PRR23C: variants seen among roughly 807,000 people sequenced by gnomAD.
PRR23C encodes proline rich 23C, also known as proline-rich protein 23C.
PRR23C carries 1 observed loss-of-function variant against 0.1 expected under a neutral mutation model. The observed-to-expected ratio is 6.80, with a 90% CI of 2.41 to 32.24. The LOEUF (loss-of-function observed/expected upper bound fraction) is 32.24. Among genes scored for constraint, PRR23C ranks in the 30% most tolerant of loss-of-function variants. The pLI, the probability that PRR23C is intolerant of heterozygous loss-of-function variation, is 0.11. For synonymous variants in PRR23C, 172 were observed against 168.1 expected (o/e 1.02, Z -0.18); for missense variants, 361 against 370.4 (o/e 0.97, Z 0.21).
chr3:139,044,077 C>A lies in PRR23C; in HGVS notation c.544G>T (p.Ala182Ser), dbSNP rs761650417. ...AGSAAGLYPS[A>S]RSMFSPYREG... ...CGGTAGGGGCTGAACATACTTCTAG[C>A]GGAGGGGTAGAGCCCAGCGGCTGAG... Residue 182 changes from alanine to serine, a missense_variant, in exon 1 of 1, where the codon GCT becomes TCT. By Grantham distance (99) the Ala-to-Ser change is moderately conservative (BLOSUM62 1). Coordinates refer to ENST00000413199, the MANE Select transcript of PRR23C (RefSeq NM_001134657.1). This position sits in a 1 kb window ranked among gnomAD's most constrained non-coding sequence, Gnocchi z 7.5. The A allele has an allele frequency of 2.7e-5, 44 of 1,613,240 alleles. No homozygotes were observed. Among genetic ancestry groups the A allele is most frequent in the African/African-American group, 4.0e-5 (3 of 74,898 alleles).
the PRR23C span, chr3:139,043,888 G>GGCGC: frequency 6.3e-7 from 1 of 1,575,428 alleles, no homozygotes; most frequent in Admixed American, 1.9e-5. Context: ...GGGAGCTCCG[G>GGCGC]GCGCGCGTGG....
In PRR23C at chr3:139,044,545, C is replaced by T; in HGVS notation, c.76G>A (p.Ala26Thr). Residue 26 changes from alanine (A) to threonine (T), a missense_variant, in exon 1 of 1, where the codon GCC becomes ACC. Physicochemically the swap from Ala to Thr is moderately conservative, Grantham distance 58 (BLOSUM62 0). Coordinates refer to ENST00000413199, the MANE Select transcript of PRR23C (RefSeq NM_001134657.1). The surrounding 1 kb of genome is among the most constrained non-coding windows in gnomAD (Gnocchi z 7.5). ...GGCTCCTCCAATCGGCTGCGCTTGG[C>T]AGGGCCTGGTCCTCCTGGCTGCTGT... Reference protein sequence around the residue: ...WGQQPGGPGPAKRSRLEEPAG... With the variant: ...WGQQPGGPGPTKRSRLEEPAG... 6.5e-7 allele frequency: 1 copy of T among 1,543,592 alleles called. No homozygotes were observed. The highest frequency in any genetic ancestry group is 8.7e-7 in the Non-Finnish European group (1 of 1,146,074).
At position 139,044,810 on chromosome 3, in the gene PRR23C, C is replaced by T; in HGVS notation, c.-190G>A. 1.6e-6 allele frequency: 1 copy of T among 631,304 alleles called. No individual in the cohort carries two copies. The highest frequency in any genetic ancestry group is 2.6e-6 in the Non-Finnish European group (1 of 384,130). 39.1% of individuals were successfully genotyped at this position (631,304 alleles called of 1,614,324 possible). A position where few individuals can be genotyped will look rare whatever the true frequency, so the allele number is the denominator to read the frequency against. On this transcript the variant is annotated 5_prime_UTR_variant, in exon 1 of 1. The change creates a new upstream start codon in the 5' untranslated region. Coordinates refer to ENST00000413199, the MANE Select transcript of PRR23C (RefSeq NM_001134657.1). This position sits in a 1 kb window ranked among gnomAD's most constrained non-coding sequence, Gnocchi z 7.5. ...GTGCTGCTGCTGGGGGAACCTCGCA[C>T]GCTGTGTGGCTCAGCCTCGCGCGAT...
rs1440196631 is a variant in PRR23C, at chr3:139,044,498, C to T, written c.123G>A (p.Ala41=). The change falls in exon 1 of 1, where the codon GCG becomes GCA. Residue 41 remains alanine (A), a synonymous_variant. Transcript: ENST00000413199. The surrounding 1 kb of genome is among the most constrained non-coding windows in gnomAD (Gnocchi z 7.5). The stretch of plus-strand genomic sequence containing the variant: ...CCGCCGGGTCTTCCGGGCTGGGCGC[C>T]GCTCGGGATTCGGGGCCCGCGGGCT... ...LEEPAGPESR[A]APSPEDPAGT... 1.9e-6 allele frequency: 3 copies of T among 1,542,748 alleles called. No individual in the cohort carries two copies. Among genetic ancestry groups the T allele is most frequent in the South Asian group, 2.4e-5 (2 of 83,276 alleles).
In PRR23C at chr3:139,042,260, T is replaced by A. The variant is rs1209575244; in HGVS notation, c.*1572A>T. The A allele has an allele frequency of 1.3e-5, 2 of 152,218 alleles. No individual in the cohort carries two copies. Among genetic ancestry groups the A allele is most frequent in the Non-Finnish European group, 1.5e-5 (1 of 68,050 alleles). The allele number at this position is 152,218 out of a possible 1,614,324, so 9.4% of individuals were successfully genotyped here. On this transcript the variant is annotated 3_prime_UTR_variant, in exon 1 of 1. Coordinates refer to ENST00000413199, the MANE Select transcript of PRR23C (RefSeq NM_001134657.1). Reference sequence around the variant, plus strand: ...GCCCAAAGCCTGGTCTCATTAGCGCTCTTGCCAGGTTTCTGTACGTACTCT... The same window carrying A: ...GCCCAAAGCCTGGTCTCATTAGCGCACTTGCCAGGTTTCTGTACGTACTCT...
chr3:139,044,540 C>T lies in PRR23C; in HGVS notation c.81G>A (p.Lys27=). Reference sequence around the variant, plus strand: ...CCGCGGGCTCCTCCAATCGGCTGCGCTTGGCAGGGCCTGGTCCTCCTGGCT... The same window carrying T: ...CCGCGGGCTCCTCCAATCGGCTGCGTTTGGCAGGGCCTGGTCCTCCTGGCT... The part of the protein sequence containing the change: ...GQQPGGPGPA[K]RSRLEEPAGP... Residue 27 remains lysine (K), a synonymous_variant, in exon 1 of 1, where the codon AAG becomes AAA. Transcript: ENST00000413199. The surrounding 1 kb of genome is among the most constrained non-coding windows in gnomAD (Gnocchi z 7.5). 6.5e-7 allele frequency: 1 copy of T among 1,544,142 alleles called. No individual in the cohort carries two copies. Among genetic ancestry groups the T allele is most frequent in the South Asian group, 1.2e-5 (1 of 83,838 alleles).
At position 139,042,521 on chromosome 3, in the gene PRR23C, C is replaced by T. The variant is rs1937152431; in HGVS notation, c.*1311G>A. On this transcript the variant is annotated 3_prime_UTR_variant, in exon 1 of 1. Transcript: ENST00000413199. ...TTATGGTAAAATTTAGAAGCATTAA[C>T]ACAAGGCATAAAACAGGAATGCCCA... The T allele has an allele frequency of 6.6e-6, 1 of 152,170 alleles. No individual in the cohort carries two copies. Among genetic ancestry groups the T allele is most frequent in the Non-Finnish European group, 1.5e-5 (1 of 68,024 alleles). The allele number at this position is 152,170 out of a possible 1,614,324, so 9.4% of individuals were successfully genotyped here.
chr3:139,044,819 G>T lies in PRR23C; in HGVS notation c.-199C>A, dbSNP rs1393605557. Reference sequence around the variant, plus strand: ...CTGGGGGAACCTCGCACGCTGTGTGGCTCAGCCTCGCGCGATGGAAACTTG... The same window carrying T: ...CTGGGGGAACCTCGCACGCTGTGTGTCTCAGCCTCGCGCGATGGAAACTTG... On this transcript the variant is annotated 5_prime_UTR_variant, in exon 1 of 1. Coordinates refer to ENST00000413199, the MANE Select transcript of PRR23C (RefSeq NM_001134657.1). This position sits in a 1 kb window ranked among gnomAD's most constrained non-coding sequence, Gnocchi z 7.5. 2 of 597,690 alleles carry T rather than the reference G, an allele frequency of 3.3e-6. No homozygotes were observed. Among genetic ancestry groups the T allele is most frequent in the African/African-American group, 2.0e-5 (1 of 50,054 alleles). The allele number at this position is 597,690 out of a possible 1,614,324, so 37.0% of individuals were successfully genotyped here. A position where few individuals can be genotyped will look rare whatever the true frequency, so the allele number is the denominator to read the frequency against.
chr3:139,044,739 G>A lies in PRR23C; in HGVS notation c.-119C>T. On this transcript the variant is annotated 5_prime_UTR_variant, in exon 1 of 1. Coordinates refer to ENST00000413199, the MANE Select transcript of PRR23C (RefSeq NM_001134657.1). The surrounding 1 kb of genome is among the most constrained non-coding windows in gnomAD (Gnocchi z 7.5). ...GTGTCGGCAGGACCGCGCGACGCGG[G>A]GCGAGTCCTCGGAGCTCTGGGGGCG... 2 of 1,195,536 alleles carry A rather than the reference G, an allele frequency of 1.7e-6. No individual in the cohort carries two copies. The highest frequency in any genetic ancestry group is 1.1e-6 in the Non-Finnish European group (1 of 894,642). The allele number at this position is 1,195,536 out of a possible 1,614,324, so 74.1% of individuals were successfully genotyped here. A position where few individuals can be genotyped will look rare whatever the true frequency, so the allele number is the denominator to read the frequency against.
rs1159233741 is a variant in PRR23C at position 139,043,880 on chromosome 3, G to T, written c.741C>A (p.Leu247=). ...PSPGPHARPE[L]PERPPCKVRR... is the part of the protein sequence containing the mutation. Reference sequence around the variant, plus strand: ...GGACCTTGCACGGAGGGCGCTCTGGGAGCTCCGGGCGCGCGTGGGGACCTG... The same window carrying T: ...GGACCTTGCACGGAGGGCGCTCTGGTAGCTCCGGGCGCGCGTGGGGACCTG... The change falls in exon 1 of 1, where the codon CTC becomes CTA. Residue 247 remains leucine (L), a synonymous_variant. Coordinates refer to ENST00000413199, the MANE Select transcript of PRR23C (RefSeq NM_001134657.1). 6.4e-7 allele frequency: 1 copy of T among 1,570,256 alleles called. No homozygotes were observed. The highest frequency in any genetic ancestry group is 1.2e-5 in the South Asian group (1 of 85,390).
Position 139,044,219 on chromosome 3 carries a change from G to A in PRR23C, c.402C>T (p.Asp134=), listed in dbSNP as rs572174917. Residue 134 remains aspartate, a synonymous_variant, in exon 1 of 1, where the codon GAC becomes GAT. Transcript: ENST00000413199. The surrounding 1 kb of genome is among the most constrained non-coding windows in gnomAD (Gnocchi z 7.5). ...CGCAGACTTCCTGCTCGACGACGACGTCTTCCCCGTGAGCGCCCAGGAAAA... is the reference window on the plus strand; with the variant it reads ...CGCAGACTTCCTGCTCGACGACGACATCTTCCCCGTGAGCGCCCAGGAAAA... The part of the protein sequence containing the change: ...VDVFLGAHGE[D]VVVEQEVCAS... The A allele has an allele frequency of 1.2e-6, 2 of 1,612,142 alleles. No homozygotes were observed. The highest frequency in any genetic ancestry group is 2.2e-5 in the South Asian group (2 of 90,658).
Position 139,044,220 on chromosome 3 carries a change from T to A in PRR23C, c.401A>T (p.Asp134Val). The A allele has an allele frequency of 6.2e-7, 1 of 1,612,176 alleles. No homozygotes were observed. Among genetic ancestry groups the A allele is most frequent in the Non-Finnish European group, 8.5e-7 (1 of 1,179,156 alleles). ...GCAGACTTCCTGCTCGACGACGACG[T>A]CTTCCCCGTGAGCGCCCAGGAAAAC... ...VDVFLGAHGE[D>V]VVVEQEVCAS... Residue 134 changes from aspartate (D) to valine (V), a missense_variant, in exon 1 of 1, where the codon GAC (aspartate) becomes GTC (valine). Transcript: ENST00000413199. The surrounding 1 kb of genome is among the most constrained non-coding windows in gnomAD (Gnocchi z 7.5).
In PRR23C at chr3:139,044,103, C is replaced by T; in HGVS notation, c.518G>A (p.Gly173Asp). Reference protein sequence around the residue: ...FPELWMDSAAGSAAGLYPSAR... With the variant: ...FPELWMDSAADSAAGLYPSAR... ...GGAGGGGTAGAGCCCAGCGGCTGAG[C>T]CGGCTGCGGAGTCCATCCAGAGCTC... The change falls in exon 1 of 1, where the codon GGC becomes GAC. Residue 173 changes from glycine to aspartate, a missense_variant. By Grantham distance (94) the Gly-to-Asp change is moderately conservative. Transcript: ENST00000413199. This position sits in a 1 kb window ranked among gnomAD's most constrained non-coding sequence, Gnocchi z 7.5. The T allele has an allele frequency of 6.2e-7, 1 of 1,612,974 alleles. No individual in the cohort carries two copies.
In PRR23C at chr3:139,044,271, T is replaced by C. The variant is rs188589355; in HGVS notation, c.350A>G (p.Asp117Gly). The change falls in exon 1 of 1, where the codon GAC (aspartate) becomes GGC (glycine). Residue 117 changes from aspartate (D) to glycine (G), a missense_variant. Transcript: ENST00000413199. This position sits in a 1 kb window ranked among gnomAD's most constrained non-coding sequence, Gnocchi z 7.5. ...GTCCACTTCCAGGCCGGCAGACCAG[T>C]CGCCCTGCGCTCCTGAGCATTCGTC... is the stretch of plus-strand genomic sequence containing the variant. ...SVDECSGAQG[D>G]WSAGLEVDVF... The C allele has an allele frequency of 3.5e-3, 5,574 of 1,608,780 alleles. 11 individuals are homozygous for C. Among genetic ancestry groups the C allele is most frequent in the Non-Finnish European group, 4.4e-3 (5,170 of 1,177,604 alleles).
In PRR23C at chr3:139,042,166, C is replaced by T. The variant is rs1443835810; in HGVS notation, c.*1666G>A. 4 of 152,178 alleles carry T rather than the reference C, an allele frequency of 2.6e-5. No homozygotes were observed. The highest frequency in any genetic ancestry group is 6.5e-5 in the Admixed American group (1 of 15,276). 9.4% of individuals were successfully genotyped at this position (152,178 alleles called of 1,614,324 possible). A position where few individuals can be genotyped will look rare whatever the true frequency, so the allele number is the denominator to read the frequency against. ...AAACCTTAAATGCACCCTACAGTTA[C>T]TGCCTTTCTCCTTCCACTTGTGTCT... On this transcript the variant is annotated 3_prime_UTR_variant, in exon 1 of 1. Coordinates refer to ENST00000413199, the MANE Select transcript of PRR23C (RefSeq NM_001134657.1).
chr3:139,044,088 A>G lies in PRR23C; in HGVS notation c.533T>C (p.Leu178Pro), dbSNP rs1937173219. ...GAACATACTTCTAGCGGAGGGGTAG[A>G]GCCCAGCGGCTGAGCCGGCTGCGGA... ...MDSAAGSAAG[L>P]YPSARSMFSP... Residue 178 changes from leucine (L) to proline (P), a missense_variant, in exon 1 of 1, where the codon CTC becomes CCC. Leu to Pro is a moderately conservative substitution (Grantham distance 98, BLOSUM62 -3). Coordinates refer to ENST00000413199, the MANE Select transcript of PRR23C (RefSeq NM_001134657.1). This position sits in a 1 kb window ranked among gnomAD's most constrained non-coding sequence, Gnocchi z 7.5. The G allele has an allele frequency of 6.2e-7, 1 of 1,613,568 alleles. No individual in the cohort carries two copies. Among genetic ancestry groups the G allele is most frequent in the Non-Finnish European group, 8.5e-7 (1 of 1,179,712 alleles).
rs1028237426 is a variant in PRR23C, at chr3:139,043,750, G to C, written c.*82C>G. 1 of 1,256,260 alleles carries C rather than the reference G, an allele frequency of 8.0e-7. No individual in the cohort carries two copies. Among genetic ancestry groups the C allele is most frequent in the East Asian group, 2.6e-5 (1 of 39,210 alleles). The allele number at this position is 1,256,260 out of a possible 1,614,324, so 77.8% of individuals were successfully genotyped here. A position where few individuals can be genotyped will look rare whatever the true frequency, so the allele number is the denominator to read the frequency against. On this transcript the variant is annotated 3_prime_UTR_variant, in exon 1 of 1. Transcript: ENST00000413199. ...TTATCCACTCTCCGAGATCCTTGTA[G>C]GTTGCGCAACATACACACAACGGCT...
rs907548402 is a variant in PRR23C at position 139,043,549 on chromosome 3, G to T, written c.*283C>A. 1 of 310,700 alleles carries T rather than the reference G, an allele frequency of 3.2e-6. No individual in the cohort carries two copies. The highest frequency in any genetic ancestry group is 2.1e-5 in the African/African-American group (1 of 47,028). 19.2% of individuals were successfully genotyped at this position (310,700 alleles called of 1,614,324 possible). On this transcript the variant is annotated 3_prime_UTR_variant, in exon 1 of 1. Coordinates refer to ENST00000413199, the MANE Select transcript of PRR23C (RefSeq NM_001134657.1). ...AACCAGGGGGAATGGAGCTGCCTAGGGGTGACTTCCAAACAAAACAGGCCC... is the reference window on the plus strand; with the variant it reads ...AACCAGGGGGAATGGAGCTGCCTAGTGGTGACTTCCAAACAAAACAGGCCC...
chr3:139,043,683 A>G lies in PRR23C; in HGVS notation c.*149T>C. On this transcript the variant is annotated 3_prime_UTR_variant, in exon 1 of 1. Transcript: ENST00000413199. ...GACTTTCTAAGTCAGCCACTGATCC[A>G]GAATTCTGCAACGCAGCCTGTATCA... The G allele has an allele frequency of 2.8e-6, 2 of 709,346 alleles. No individual in the cohort carries two copies. The highest frequency in any genetic ancestry group is 5.0e-5 in the South Asian group (2 of 40,232). 43.9% of individuals were successfully genotyped at this position (709,346 alleles called of 1,614,324 possible). A position where few individuals can be genotyped will look rare whatever the true frequency, so the allele number is the denominator to read the frequency against.
Sources: allele counts gnomAD v4.1 joint callset, GRCh38; gene constraint gnomAD v4.1.1; non-coding constraint Gnocchi (gnomAD v3.1); transcripts MANE v1.5; gene names NCBI Gene and HGNC (gene_info 2026-07-23, HGNC 2026-07-21).